EPHA6: variants seen among roughly 807,000 people sequenced by gnomAD.
EPHA6 encodes the protein ephrin type-A receptor 6.
EPHA6 carries 50 observed loss-of-function variants against 112.0 expected under a neutral mutation model. That is an observed-to-expected ratio of 0.45 (90% CI 0.36 to 0.56). EPHA6 has a LOEUF of 0.56. EPHA6 is among the 20% of genes least tolerant of loss of function. The probability of loss-of-function intolerance (pLI) is 0.00; values close to 1 mark genes in which losing one functional copy is unlikely to be tolerated. For missense variants in EPHA6, 1,280 were observed against 1,417.4 expected, an observed-to-expected ratio of 0.90 and a Z score of 1.56; for synonymous variants, 529 against 490.7, an observed-to-expected ratio of 1.08 and a Z score of -1.03.
chr3:97,251,663 C>G (rs1310724806), intron 5 of EPHA6, among the ~76,000 whole-genome samples: 1 of 152,212 alleles, frequency 6.6e-6, no homozygotes, highest in Admixed American at 6.5e-5. Flanking sequence ...ACCTTTTAAT[C>G]AGGCAGAAAT....
chr3:97,617,679 CAAAG>C (rs1453108524), intron 13 of EPHA6, among the ~76,000 whole-genome samples: 2 of 151,974 alleles, frequency 1.3e-5, no homozygotes, highest in African/African-American at 2.4e-5. Context: ...TCAAAAAAGA[CAAAG>C]AAAGGTATTA....
chr3:97,609,824 A>T (rs2093704975), intron 12 of EPHA6, among the ~76,000 whole-genome samples: 1 of 151,542 alleles, frequency 6.6e-6, no homozygotes, highest in Non-Finnish European at 1.5e-5. Flanking sequence ...TGCATAGTGC[A>T]GATTGAAAAG....
intron 1 of EPHA6, among the ~76,000 whole-genome samples, chr3:96,856,281 C>G (rs548218267): frequency 6.6e-6 from 1 of 151,886 alleles, no homozygotes; most frequent in Non-Finnish European, 1.5e-5. Context: ...CAGAAGCAAC[C>G]TGGCCACCTA....
intron 1 of EPHA6, among the ~76,000 whole-genome samples, chr3:96,849,705 A>C (rs1253559108): frequency 1.3e-5 from 2 of 152,182 alleles, no homozygotes; most frequent in Non-Finnish European, 2.9e-5. Flanking sequence ...TTTAAGGCCC[A>C]GCTGGCTGGA....
chr3:97,589,681 C>T (rs1279938246), intron 11 of EPHA6, among the ~76,000 whole-genome samples: 1 of 152,012 alleles, frequency 6.6e-6, no homozygotes, highest in Non-Finnish European at 1.5e-5. Flanking sequence ...AGGAGAGAAT[C>T]GAAATCAGAG....
At chr3:97,348,243 T>A (rs2083633131) in intron 5 of EPHA6, among the ~76,000 whole-genome samples, 1 of 152,192 alleles carries the variant, frequency 6.6e-6, no homozygotes, top group South Asian at 2.1e-4. Context: ...AATCCAGTAA[T>A]AAAGATGACT....
chr3:97,164,628 A>G (rs1317282890), intron 3 of EPHA6, among the ~76,000 whole-genome samples: 1 of 152,140 alleles, frequency 6.6e-6, no homozygotes, highest in Admixed American at 6.6e-5. Flanking sequence ...TAATTCAATT[A>G]TATCTTCAAA....
At chr3:97,234,717 A>C (rs1299958188) in intron 4 of EPHA6, among the ~76,000 whole-genome samples, 3 of 152,060 alleles carry the variant, frequency 2.0e-5, no homozygotes, top group African/African-American at 4.8e-5. Context: ...GTTAAATATT[A>C]AATTTTCCCA....
At chr3:97,475,323 G>A (rs1445549495) in intron 7 of EPHA6, 29 bp from the exon 8 acceptor site, 3 of 1,534,418 alleles carry the variant, frequency 2.0e-6, no homozygotes, top group East Asian at 4.5e-5. Flanking sequence ...GTCACCCAGG[G>A]AAATTTTAAT....
intron 6 of EPHA6, among the ~76,000 whole-genome samples, chr3:97,440,530 C>A (rs528903352): frequency 6.6e-6 from 1 of 150,898 alleles, no homozygotes; most frequent in South Asian, 2.1e-4. Flanking sequence ...ATTTGCAAAC[C>A]ATTAACAAAA....
intron 2 of EPHA6, among the ~76,000 whole-genome samples, chr3:96,977,939 ACC>A (rs2042598661): frequency 6.6e-6 from 1 of 152,098 alleles, no homozygotes; most frequent in Non-Finnish European, 1.5e-5. Context: ...CAGGTGTATC[ACC>A]TGAGCTCAGG....
intron 5 of EPHA6, among the ~76,000 whole-genome samples, chr3:97,363,392 G>C (rs1322297301): frequency 6.6e-6 from 1 of 150,526 alleles, no homozygotes; most frequent in Non-Finnish European, 1.5e-5. Flanking sequence ...TTGAGTACCA[G>C]GGTTAGACAT....
chr3:97,571,690 C>T (rs2093334235), intron 11 of EPHA6, among the ~76,000 whole-genome samples: 1 of 152,166 alleles, frequency 6.6e-6, no homozygotes, highest in African/African-American at 2.4e-5. Context: ...CTGTTAAATG[C>T]CACACAGCAG....
intron 10 of EPHA6, among the ~76,000 whole-genome samples, chr3:97,523,654 C>T (rs1261374800): frequency 1.3e-5 from 2 of 151,932 alleles, no homozygotes; most frequent in East Asian, 3.9e-4. Flanking sequence ...ATTACTATTA[C>T]TATATTATAG....
chr3:97,379,032 C>T (rs943234657), intron 5 of EPHA6, among the ~76,000 whole-genome samples: 1 of 152,024 alleles, frequency 6.6e-6, no homozygotes, highest in African/African-American at 2.4e-5. Flanking sequence ...GCTCTGTGTC[C>T]CCACCCAGAT....
intron 3 of EPHA6, among the ~76,000 whole-genome samples, chr3:97,073,424 T>C (rs1317154823): frequency 6.6e-6 from 1 of 152,130 alleles, no homozygotes. Flanking sequence ...CCACTTCTTA[T>C]TTCTACAAAG....
chr3:97,162,604 T>G (rs896318616), intron 3 of EPHA6, among the ~76,000 whole-genome samples: 3 of 152,112 alleles, frequency 2.0e-5, no homozygotes, highest in African/African-American at 7.2e-5. Context: ...TTTTTCCCAA[T>G]GCACTCTTAC....
intron 5 of EPHA6, among the ~76,000 whole-genome samples, chr3:97,342,056 A>C (rs149702743): frequency 6.6e-6 from 1 of 152,186 alleles, no homozygotes; most frequent in East Asian, 1.9e-4. Flanking sequence ...TATAGAGAGA[A>C]ACAGACAAAG....
intron 3 of EPHA6, among the ~76,000 whole-genome samples, chr3:97,076,833 G>T (rs528462689): frequency 2.0e-5 from 3 of 152,182 alleles, no homozygotes; most frequent in South Asian, 4.1e-4. Flanking sequence ...CTCTGCCTGT[G>T]CTCTGTAAAT....
Sources: allele counts gnomAD v4.1 joint callset (sites outside exome capture counted in the v4.1 genomes callset), GRCh38; gene constraint gnomAD v4.1.1; transcripts MANE v1.5; gene names NCBI Gene and HGNC (gene_info 2026-07-23, HGNC 2026-07-21).